The following TRPM3 variants were observed in gnomAD, a reference collection of about 807,000 sequenced individuals.
TRPM3 encodes transient receptor potential cation channel subfamily M member 3, also known as long transient receptor potential channel 3.
TRPM3 carries 77 observed loss-of-function variants against 181.2 expected under a neutral mutation model. The ratio of observed to expected loss-of-function variants is 0.42; its 90% confidence interval spans 0.35 to 0.51. The LOEUF (loss-of-function observed/expected upper bound fraction) is 0.51, where lower values mean the gene tolerates loss of function less well. TRPM3 is among the 20% of genes least tolerant of loss of function. The pLI, the probability that TRPM3 is intolerant of heterozygous loss-of-function variation, is 0.01. For synonymous variants in TRPM3, 745 were observed against 796.4 expected (o/e 0.94, Z 1.09); for missense variants, 1,759 against 2,196.7 (o/e 0.80, Z 3.98).
At chr9:71,058,335 G>GA (rs1157208266) in intron 1 of TRPM3, among the ~76,000 whole-genome samples, 1 of 151,970 alleles carries the variant, frequency 6.6e-6, no homozygotes, top group African/African-American at 2.4e-5. Context: ...AGGCCCTCTT[G>GA]ATATTAATAT....
Position 70,536,782 on chromosome 9 carries a change from G to T in TRPM3, c.4331C>A (p.Ser1444Ter). The T allele has an allele frequency of 6.2e-7, 1 of 1,614,198 alleles. No individual in the cohort carries two copies. Among genetic ancestry groups the T allele is most frequent in the Non-Finnish European group, 8.5e-7 (1 of 1,180,044 alleles). Reference sequence around the variant, plus strand: ...AGGGGCTGTGGAAGGTACTGGAGTTGAAAAGCTTGGCTCGCCCAGCCCAAG... The same window carrying T: ...AGGGGCTGTGGAAGGTACTGGAGTTTAAAAGCTTGGCTCGCCCAGCCCAAG... ...NILGLGEPSF[S>*]TPVPSTAPSS... The change falls in exon 26 of 26, where the codon TCA becomes TAA. Residue 1444 changes from serine to a stop codon, truncating the protein, a stop_gained. Coordinates refer to ENST00000677713, the MANE Select transcript of TRPM3 (RefSeq NM_001366145.2). LOFTEE classifies it high-confidence loss of function.
At chr9:70,990,372 C>A (rs2097466766) in intron 1 of TRPM3, among the ~76,000 whole-genome samples, 1 of 152,112 alleles carries the variant, frequency 6.6e-6, no homozygotes, top group South Asian at 2.1e-4. Flanking sequence ...AATGAGATTG[C>A]CTGCTTTAAA....
At chr9:70,751,832 C>T (rs1417598010) in intron 8 of TRPM3, among the ~76,000 whole-genome samples, 1 of 151,594 alleles carries the variant, frequency 6.6e-6, no homozygotes, top group East Asian at 1.9e-4. Context: ...TCTGATACTA[C>T]ATAGAAAAAA....
intron 1 of TRPM3, among the ~76,000 whole-genome samples, chr9:70,895,052 T>G (rs2096263348): frequency 6.6e-6 from 1 of 152,158 alleles, no homozygotes; most frequent in Admixed American, 6.5e-5. Context: ...GCTAATAGTA[T>G]CTATCGTCAT....
intron 1 of TRPM3, among the ~76,000 whole-genome samples, chr9:71,400,074 T>C (rs1000572992): frequency 6.6e-6 from 1 of 152,142 alleles, no homozygotes; most frequent in African/African-American, 2.4e-5. Context: ...ATTGAAACAC[T>C]AAGTCAGAGT....
intron 11 of TRPM3, 61 bp downstream of exon 11, chr9:70,638,999 C>A (rs2057652874): frequency 1.3e-6 from 2 of 1,567,722 alleles, no homozygotes; most frequent in Non-Finnish European, 8.7e-7. Flanking sequence ...ATATGGGGGG[C>A]AGGAGAAGGT....
At chr9:71,316,909 G>T (rs369581006) in intron 1 of TRPM3, among the ~76,000 whole-genome samples, 26 of 152,222 alleles carry the variant, frequency 1.7e-4, no homozygotes, top group East Asian at 9.7e-4. Flanking sequence ...CTTTTCAGAT[G>T]GATAATGGCA....
At chr9:71,443,809 G>C (rs555894474) in intron 1 of TRPM3, among the ~76,000 whole-genome samples, 2 of 152,092 alleles carry the variant, frequency 1.3e-5, no homozygotes, top group East Asian at 1.9e-4. Context: ...CTGGATACCA[G>C]GAGTATAGCA....
chr9:71,208,068 T>C (rs1421512859), intron 1 of TRPM3, among the ~76,000 whole-genome samples: 1 of 152,108 alleles, frequency 6.6e-6, no homozygotes, highest in Non-Finnish European at 1.5e-5. Context: ...TCTGTTCAAT[T>C]TTTTCTTCCA....
intron 3 of TRPM3, among the ~76,000 whole-genome samples, chr9:70,861,909 G>A (rs1314031432): frequency 2.1e-5 from 3 of 142,026 alleles, no homozygotes; most frequent in Non-Finnish European, 4.6e-5. Flanking sequence ...TCAGCCATTC[G>A]TGGTAAAGAA....
intron 1 of TRPM3, among the ~76,000 whole-genome samples, chr9:70,948,319 G>A (rs561106007): frequency 1.3e-4 from 19 of 151,206 alleles, no homozygotes; most frequent in Non-Finnish European, 1.8e-4. Flanking sequence ...AAGTTGGGTG[G>A]GGAGGTACAT....
intron 1 of TRPM3, among the ~76,000 whole-genome samples, chr9:71,405,051 G>T (rs1478955543): frequency 6.6e-6 from 1 of 152,130 alleles, no homozygotes; most frequent in Non-Finnish European, 1.5e-5. Flanking sequence ...TAACATGTAT[G>T]TTAAGTGGAT....
intron 1 of TRPM3, among the ~76,000 whole-genome samples, chr9:71,152,046 C>T (rs1372157158): frequency 1.3e-5 from 2 of 152,006 alleles, no homozygotes; most frequent in African/African-American, 4.8e-5. Context: ...TATGTCATGG[C>T]CGATTTTATG....
At chr9:70,974,938 G>T (rs796854449) in intron 1 of TRPM3, among the ~76,000 whole-genome samples, 9 of 146,890 alleles carry the variant, frequency 6.1e-5, no homozygotes, top group African/African-American at 2.0e-4. Context: ...CGTGATCTTG[G>T]CTCACTGCAA....
At chr9:71,316,305 C>T (rs1464046030) in intron 1 of TRPM3, among the ~76,000 whole-genome samples, 4 of 152,182 alleles carry the variant, frequency 2.6e-5, no homozygotes, top group Non-Finnish European at 5.9e-5. Flanking sequence ...TTAATTCAAT[C>T]TGTCTCTGCC....
chr9:70,872,129 T>C (rs1357260880), intron 1 of TRPM3, among the ~76,000 whole-genome samples: 1 of 152,002 alleles, frequency 6.6e-6, no homozygotes, highest in Non-Finnish European at 1.5e-5. Flanking sequence ...AGATGGTACA[T>C]ATTTTAGGCT....
intron 1 of TRPM3, among the ~76,000 whole-genome samples, chr9:70,925,555 C>A (rs2096712540): frequency 6.6e-6 from 1 of 152,014 alleles, no homozygotes; most frequent in African/African-American, 2.4e-5. Flanking sequence ...TATATATCCT[C>A]CTGTCTATTC....
At chr9:70,921,755 A>T (rs1443541751) in intron 1 of TRPM3, among the ~76,000 whole-genome samples, 1 of 152,150 alleles carries the variant, frequency 6.6e-6, no homozygotes, top group Non-Finnish European at 1.5e-5. Flanking sequence ...GAAGCAAGCC[A>T]CCATGTCACG....
At position 70,591,211 on chromosome 9, in the gene TRPM3, AG is replaced by A. The variant is rs1196890187; in HGVS notation, c.3049-7del. On this transcript the variant is annotated splice_region_variant and splice_polypyrimidine_tract_variant and intron_variant, in intron 21 of 25. Coordinates refer to ENST00000677713, the MANE Select transcript of TRPM3 (RefSeq NM_001366145.2). The stretch of plus-strand genomic sequence containing the variant: ...AAGTACATCATGTCTATCATCTGGA[AG>A]GGTGGGGAAGCAGAGGGAGAAACAA... 1.2e-6 allele frequency: 2 copies of A among 1,612,872 alleles called. No individual in the cohort carries two copies. The highest frequency in any genetic ancestry group is 3.3e-5 in the Admixed American group (2 of 60,008).
Sources: allele counts gnomAD v4.1 joint callset (sites outside exome capture counted in the v4.1 genomes callset), GRCh38; gene constraint gnomAD v4.1.1; transcripts MANE v1.5; gene names NCBI Gene and HGNC (gene_info 2026-07-23, HGNC 2026-07-21).